Variants in MTURN observed in about 807,000 individuals in gnomAD.
MTURN encodes maturin.
Under a neutral mutation model 14.9 loss-of-function variants are expected in MTURN, and 7 were observed. That is an observed-to-expected ratio of 0.47 (90% CI 0.27 to 0.88). MTURN has a LOEUF of 0.88. MTURN is among the 40% of genes least tolerant of loss of function. The pLI is 0.14. For missense variants in MTURN, 151 were observed against 174.1 expected, an observed-to-expected ratio of 0.87 and a Z score of 0.75; for synonymous variants, 69 against 72.5, an observed-to-expected ratio of 0.95 and a Z score of 0.25.
At position 30,144,445 on chromosome 7, in the gene MTURN, C is replaced by T. The variant is rs138851932; in HGVS notation, c.163-1732C>T. On this transcript the variant is annotated intron_variant, in intron 1 of 2. Transcript: ENST00000324453. ...TAATGGATATACAAGTACTTTGTAC[C>T]ATTACACTTTTGTACAATGGAAGAG... 7.2e-5 allele frequency among the ~76,000 whole-genome samples: 11 copies of T among 152,238 alleles called. No individual in the cohort carries two copies. The South Asian group carries it at 1.0e-3, about 14-fold the overall frequency.
At chr7:30,155,261 A>G (rs1436052436) in intron 2 of MTURN, among the ~76,000 whole-genome samples, 1 of 152,188 alleles carries the variant, frequency 6.6e-6, no homozygotes, top group East Asian at 1.9e-4. Context: ...TCCCTTCAAT[A>G]CAATGAACAA....
intron 2 of MTURN, among the ~76,000 whole-genome samples, chr7:30,152,652 C>T (rs948243859): frequency 6.6e-6 from 1 of 152,180 alleles, no homozygotes; most frequent in African/African-American, 2.4e-5. Flanking sequence ...GTTGATTGGC[C>T]GTGCTCTCCA....
intron 1 of MTURN, chr7:30,137,225 G>A (rs1028752138): frequency 6.1e-6 from 1 of 163,824 alleles, no homozygotes; most frequent in African/African-American, 2.4e-5. Flanking sequence ...TCATCTGCCA[G>A]CGCCCTTTCT....
intron 2 of MTURN, among the ~76,000 whole-genome samples, chr7:30,155,571 C>G (rs1336547124): frequency 6.6e-6 from 1 of 152,210 alleles, no homozygotes; most frequent in Non-Finnish European, 1.5e-5. Context: ...GGAGCACCCT[C>G]TCCGGGGAGC....
intron 2 of MTURN, among the ~76,000 whole-genome samples, chr7:30,150,472 T>C (rs1402667037): frequency 6.6e-6 from 1 of 152,238 alleles, no homozygotes; most frequent in Middle Eastern, 3.2e-3. Context: ...AGAGGACCAG[T>C]GGATGCACCT....
At chr7:30,145,759 T>C in intron 1 of MTURN, 2 of 1,370,848 alleles carry the variant, frequency 1.5e-6, no homozygotes, top group East Asian at 5.0e-5. Flanking sequence ...GCTTACAAAC[T>C]ATGCTTAATT....
chr7:30,150,191 CG>C (rs1201952159), intron 2 of MTURN, among the ~76,000 whole-genome samples: 3 of 152,108 alleles, frequency 2.0e-5, no homozygotes, highest in Non-Finnish European at 4.4e-5. Flanking sequence ...CAGTGCAGTG[CG>C]TTATCCACGG....
intron 1 of MTURN, among the ~76,000 whole-genome samples, chr7:30,139,504 T>G (rs563517897): frequency 2.0e-5 from 3 of 152,156 alleles, no homozygotes; most frequent in African/African-American, 2.4e-5. Flanking sequence ...AGGGAGTGCT[T>G]CTTATTGGGC....
chr7:30,150,998 ACT>A (rs1797203550), intron 2 of MTURN, among the ~76,000 whole-genome samples: 2 of 152,114 alleles, frequency 1.3e-5, no homozygotes, highest in African/African-American at 4.8e-5. Context: ...AAACCCAGAC[ACT>A]CTGCTAAATT....
At chr7:30,146,443 C>T (rs749152151) in intron 2 of MTURN, 144 bp downstream of exon 2, 9 of 1,176,298 alleles carry the variant, frequency 7.7e-6, no homozygotes, top group Non-Finnish European at 1.1e-5. Context: ...AGATAGCAGC[C>T]AGTATAGGGA....
Position 30,143,982 on chromosome 7 carries a change from C to T in MTURN, c.163-2195C>T, listed in dbSNP as rs76391437. 1.5e-3 allele frequency among the ~76,000 whole-genome samples: 226 copies of T among 152,324 alleles called. 1 individual carries two copies. The East Asian group carries it at 0.036, about 24-fold the overall frequency. On this transcript the variant is annotated intron_variant, in intron 1 of 2. Coordinates refer to ENST00000324453, the MANE Select transcript of MTURN (RefSeq NM_152793.3). Reference sequence around the variant, plus strand: ...TAGGTGCACCTGCTTCTGAATTAACCGCAACCTGAGTTGCCTCAGGCAGTG... The same window carrying T: ...TAGGTGCACCTGCTTCTGAATTAACTGCAACCTGAGTTGCCTCAGGCAGTG...
At chr7:30,151,084 G>A (rs199660962) in intron 2 of MTURN, among the ~76,000 whole-genome samples, 12 of 152,144 alleles carry the variant, frequency 7.9e-5, no homozygotes, top group African/African-American at 2.7e-4. Flanking sequence ...GGATGCAGCC[G>A]GCCACCTTCC....
chr7:30,135,044 G>T lies in MTURN; in HGVS notation c.-93G>T, dbSNP rs935547132. On this transcript the variant is annotated 5_prime_UTR_variant, in exon 1 of 3. Transcript: ENST00000324453. ...CCAGCCCGGCCCCGGAGGAGCCCGC[G>T]CAGGCCGAGCCGAGCGCCGCGCTGC... The T allele has an allele frequency of 3.1e-4, 334 of 1,084,120 alleles. 2 individuals carry two copies. Among genetic ancestry groups the T allele is most frequent in the South Asian group, 1.9e-3 (46 of 23,818 alleles). The allele number at this position is 1,084,120 out of a possible 1,614,324, so 67.2% of individuals were successfully genotyped here.
chr7:30,146,383 C>T, intron 2 of MTURN, 84 bp downstream of exon 2: 1 of 1,568,798 alleles, frequency 6.4e-7, no homozygotes. Context: ...GGAAGGTGGG[C>T]AAAACCTGGG....
intron 2 of MTURN, among the ~76,000 whole-genome samples, chr7:30,155,890 C>T (rs1797279785): frequency 6.6e-6 from 1 of 152,182 alleles, no homozygotes; most frequent in African/African-American, 2.4e-5. Flanking sequence ...GGTGGCAGGA[C>T]ACCAGGGAGG....
At chr7:30,135,583 G>A (rs1796937420) in intron 1 of MTURN, among the ~76,000 whole-genome samples, 2 of 152,174 alleles carry the variant, frequency 1.3e-5, no homozygotes, top group Non-Finnish European at 2.9e-5. Context: ...TCCTCTCCCC[G>A]CTGCTGCGGG....
intron 1 of MTURN, among the ~76,000 whole-genome samples, chr7:30,139,010 G>A (rs1457289059): frequency 3.3e-5 from 5 of 152,108 alleles, no homozygotes; most frequent in African/African-American, 1.2e-4. Context: ...CATAGCACTC[G>A]TTAGACTTGG....
intron 1 of MTURN, among the ~76,000 whole-genome samples, chr7:30,136,336 G>A (rs1276137857): frequency 2.6e-5 from 4 of 152,182 alleles, no homozygotes; most frequent in Non-Finnish European, 4.4e-5. Flanking sequence ...GGGCGAGCAC[G>A]GTGCTCATGA....
At chr7:30,143,307 T>A (rs1797079883) in intron 1 of MTURN, among the ~76,000 whole-genome samples, 1 of 151,960 alleles carries the variant, frequency 6.6e-6, no homozygotes. Flanking sequence ...CATACCTTGC[T>A]CTGTTTGTCC....
Sources: allele counts gnomAD v4.1 joint callset (sites outside exome capture counted in the v4.1 genomes callset), GRCh38; gene constraint gnomAD v4.1.1; transcripts MANE v1.5; gene names NCBI Gene and HGNC (gene_info 2026-07-23, HGNC 2026-07-21).